CHST15: variants seen among roughly 807,000 people sequenced by gnomAD.
CHST15 encodes the protein B cell RAG associated protein (GALNAC4S-6ST).
A neutral mutation model predicts 53.6 loss-of-function variants in CHST15; 30 were observed. The ratio of observed to expected loss-of-function variants is 0.56; its 90% CI spans 0.42 to 0.76. The LOEUF (loss-of-function observed/expected upper bound fraction) is 0.76. CHST15 is among the 30% of genes least tolerant of loss of function. The probability of loss-of-function intolerance (pLI) is 0.00; values close to 1 mark genes in which losing one functional copy is unlikely to be tolerated. For synonymous variants in CHST15, 296 were observed against 289.8 expected (o/e 1.02, Z -0.22); for missense variants, 627 against 740.5 (o/e 0.85, Z 1.78).
intron 1 of CHST15, among the ~76,000 whole-genome samples, chr10:124,091,487 C>T (rs1316227116): frequency 2.0e-5 from 3 of 152,200 alleles, no homozygotes; most frequent in Admixed American, 6.5e-5. Flanking sequence ...TCTGCCCCAA[C>T]GCTGGGTGGC....
chr10:124,022,131 C>T (rs1946811461), intron 5 of CHST15, among the ~76,000 whole-genome samples: 1 of 152,188 alleles, frequency 6.6e-6, no homozygotes, highest in Non-Finnish European at 1.5e-5. Flanking sequence ...CCCAACTAGA[C>T]CTTAACTTTT....
At chr10:124,081,733 C>T (rs1252495001) in intron 1 of CHST15, among the ~76,000 whole-genome samples, 2 of 152,314 alleles carry the variant, frequency 1.3e-5, no homozygotes, top group East Asian at 3.9e-4. Flanking sequence ...CCTGAGGACA[C>T]AGCCGCCCTG....
chr10:124,020,239 C>G, intron 6 of CHST15: 1 of 985,504 alleles, frequency 1.0e-6, no homozygotes, highest in Non-Finnish European at 1.2e-6. Flanking sequence ...GACAAAGCAA[C>G]TGAGTCTCAG....
chr10:124,087,963 AAGCCACCACC>A (rs1949485676), intron 1 of CHST15, among the ~76,000 whole-genome samples: 1 of 152,236 alleles, frequency 6.6e-6, no homozygotes, highest in Non-Finnish European at 1.5e-5. Context: ...CCAGAGAGTG[AAGCCACCACC>A]CTAAGGAAAC....
At chr10:124,021,798 T>C (rs1018435104) in intron 5 of CHST15, among the ~76,000 whole-genome samples, 3 of 152,148 alleles carry the variant, frequency 2.0e-5, no homozygotes, top group African/African-American at 7.2e-5. Context: ...CTCATTCCTC[T>C]CTCCTCTACT....
chr10:124,043,493 G>T (rs987622421), intron 3 of CHST15, among the ~76,000 whole-genome samples: 1 of 152,246 alleles, frequency 6.6e-6, no homozygotes, highest in African/African-American at 2.4e-5. Context: ...GGAAAACTTT[G>T]AAGATTCCCT....
At position 124,010,065 on chromosome 10, in the gene CHST15, G is replaced by C; in HGVS notation, c.*84C>G. On this transcript the variant is annotated 3_prime_UTR_variant, in exon 8 of 8. Coordinates refer to ENST00000435907, the MANE Select transcript of CHST15 (RefSeq NM_001270764.2). Reference sequence around the variant, plus strand: ...TCCTGGGGTTTTCCATACCATGAGTGAAACAGTTCCCCGCAAAGAGATTTG... The same window carrying C: ...TCCTGGGGTTTTCCATACCATGAGTCAAACAGTTCCCCGCAAAGAGATTTG... The C allele has an allele frequency of 1.2e-6, 2 of 1,604,706 alleles. No homozygotes were observed. The highest frequency in any genetic ancestry group is 1.3e-5 in the African/African-American group (1 of 74,834).
At chr10:124,037,662 A>G (rs1947552684) in intron 5 of CHST15, among the ~76,000 whole-genome samples, 1 of 152,210 alleles carries the variant, frequency 6.6e-6, no homozygotes, top group Non-Finnish European at 1.5e-5. Context: ...AGTGCCAGCC[A>G]GGCCGCCCCA....
At chr10:124,053,421 A>G (rs537332408) in intron 1 of CHST15, among the ~76,000 whole-genome samples, 1 of 152,136 alleles carries the variant, frequency 6.6e-6, no homozygotes, top group African/African-American at 2.4e-5. Flanking sequence ...GAGCCCACCC[A>G]GAGCAGCCAA....
At chr10:124,054,527 C>T (rs986958297) in intron 1 of CHST15, among the ~76,000 whole-genome samples, 1 of 152,204 alleles carries the variant, frequency 6.6e-6, no homozygotes, top group Non-Finnish European at 1.5e-5. Context: ...TCCCCTGCGT[C>T]CTGAGCTCAC....
chr10:124,055,437 T>C (rs1422285136), intron 1 of CHST15, among the ~76,000 whole-genome samples: 1 of 152,084 alleles, frequency 6.6e-6, no homozygotes, highest in African/African-American at 2.4e-5. Flanking sequence ...GGAGAGACCC[T>C]TGGGTCCTCA....
In CHST15 at chr10:124,009,604, C is replaced by A. The variant is rs936559975; in HGVS notation, c.*545G>T. The A allele has an allele frequency of 1.0e-6, 1 of 989,948 alleles. No homozygotes were observed. The highest frequency in any genetic ancestry group is 4.6e-5 in the South Asian group (1 of 21,788). 61.3% of individuals were successfully genotyped at this position (989,948 alleles called of 1,614,324 possible). A position where few individuals can be genotyped will look rare whatever the true frequency, so the allele number is the denominator to read the frequency against. On this transcript the variant is annotated 3_prime_UTR_variant, in exon 8 of 8. Coordinates refer to ENST00000435907, the MANE Select transcript of CHST15 (RefSeq NM_001270764.2). ...CGGTTCTCTGTCCCAGTGAGGTTAG[C>A]GATCGCAACAAGAGTGTTTCAGAAG...
intron 1 of CHST15, among the ~76,000 whole-genome samples, chr10:124,071,191 G>A (rs187497028): frequency 9.4e-4 from 143 of 152,300 alleles, no homozygotes; most frequent in African/African-American, 3.2e-3. Flanking sequence ...TCTCTTCCTA[G>A]CCCAGAGCGT....
At chr10:124,031,506 A>G (rs1947222928) in intron 5 of CHST15, among the ~76,000 whole-genome samples, 1 of 152,186 alleles carries the variant, frequency 6.6e-6, no homozygotes, top group African/African-American at 2.4e-5. Flanking sequence ...TTGTAACATA[A>G]GAGTTAGAAT....
intron 1 of CHST15, among the ~76,000 whole-genome samples, chr10:124,073,448 T>C (rs1485464271): frequency 6.6e-6 from 1 of 152,060 alleles, no homozygotes; most frequent in Non-Finnish European, 1.5e-5. Context: ...AGCCCAGGGG[T>C]CCTGGGGTGC....
chr10:124,038,413 T>C, intron 5 of CHST15, 102 bp downstream of exon 5: 2 of 1,418,990 alleles, frequency 1.4e-6, no homozygotes, highest in Non-Finnish European at 1.9e-6. Flanking sequence ...ACCTGTTTAA[T>C]TTTTTCTAAA....
rs536612970 is a variant in CHST15, at chr10:124,080,287, T to C, written c.-513+13182A>G. Among the ~76,000 whole-genome samples the C allele has an allele frequency of 2.3e-4, 35 of 152,136 alleles. 1 individual carries two copies. Among genetic ancestry groups the C allele is most frequent in the South Asian group, 1.4e-3 (7 of 4,832 alleles). ...AAATGAATCCCATCCCATCAACAGG[T>C]TCTCCCCTTGGGGTCCTGGCACTGA... is the stretch of plus-strand genomic sequence containing the variant. On this transcript the variant is annotated intron_variant, in intron 1 of 7. Transcript: ENST00000435907.
intron 1 of CHST15, among the ~76,000 whole-genome samples, chr10:124,068,193 GTTTAC>G (rs975648555): frequency 2.0e-5 from 3 of 152,166 alleles, no homozygotes. Context: ...CGCTGCAGTG[GTTTAC>G]ATGCTGACCA....
At chr10:124,076,602 A>C (rs1054133699) in intron 1 of CHST15, among the ~76,000 whole-genome samples, 1 of 152,266 alleles carries the variant, frequency 6.6e-6, no homozygotes, top group Non-Finnish European at 1.5e-5. Context: ...ACAAGATCCC[A>C]GAGCCAACTC....
Sources: allele counts gnomAD v4.1 joint callset (sites outside exome capture counted in the v4.1 genomes callset), GRCh38; gene constraint gnomAD v4.1.1; transcripts MANE v1.5; gene names NCBI Gene and HGNC (gene_info 2026-07-23, HGNC 2026-07-21).